The following TUBGCP6 variants were observed in gnomAD, a reference collection of about 807,000 sequenced individuals.
TUBGCP6 encodes the protein tubulin gamma complex component 6, also known as gamma-tubulin complex component 6.
In TUBGCP6, 161 loss-of-function variants were observed where a neutral mutation model predicts 175.8. The ratio of observed to expected loss-of-function variants is 0.92; its 90% confidence interval spans 0.81 to 1.04. The LOEUF is 1.04. Among genes scored for constraint, TUBGCP6 ranks in the 50% least tolerant of loss-of-function variants. The pLI is 0.00. For missense variants in TUBGCP6, 2,572 were observed against 2,433.0 expected (o/e 1.06, Z -1.20); for synonymous variants, 1,173 against 1,030.5 (o/e 1.14, Z -2.65).
chr22:50,226,355 C>A lies in TUBGCP6; in HGVS notation c.1625G>T (p.Ser542Ile). The A allele has an allele frequency of 1.2e-6, 2 of 1,612,002 alleles. No individual in the cohort carries two copies. Among genetic ancestry groups the A allele is most frequent in the Non-Finnish European group, 1.7e-6 (2 of 1,179,138 alleles). The part of the protein sequence containing the change: ...YTRFIHDWVY[S>I]GVFRDAYGEF... ...GCCATAAGCGTCTCTGAACACCCCGCTGTACACCCAGTCGTGGATGAACCT... is the reference window on the plus strand; with the variant it reads ...GCCATAAGCGTCTCTGAACACCCCGATGTACACCCAGTCGTGGATGAACCT... Residue 542 changes from serine (S) to isoleucine (I), a missense_variant, in exon 8 of 25, where the codon AGC becomes ATC. Coordinates refer to ENST00000248846, the MANE Select transcript of TUBGCP6 (RefSeq NM_020461.4).
rs1410855405 is a variant in TUBGCP6, at chr22:50,244,572, G to A, written c.-113C>T. 7 of 1,432,082 alleles carry A rather than the reference G, an allele frequency of 4.9e-6. No individual in the cohort carries two copies. In the South Asian group the frequency reaches 5.8e-5, roughly 12 times the overall value. The allele number at this position is 1,432,082 out of a possible 1,614,324, so 88.7% of individuals were successfully genotyped here. A position where few individuals can be genotyped will look rare whatever the true frequency, so the allele number is the denominator to read the frequency against. On this transcript the variant is annotated 5_prime_UTR_variant, in exon 1 of 25. Coordinates refer to ENST00000248846, the MANE Select transcript of TUBGCP6 (RefSeq NM_020461.4). The stretch of plus-strand genomic sequence containing the variant: ...GGTCCGAAGAGGCTGAATGACAGGC[G>A]GCCTCTCCAATGCCGAAGCTCAGAA...
Position 50,219,653 on chromosome 22 carries a change from C to G in TUBGCP6, c.4306G>C (p.Glu1436Gln). The part of the protein sequence containing the change: ...YHLERYPDSY[E>Q]SMSEPPIAHL... ...CAACTGCTGCACTCACACATGGACT[C>G]GTAACTGTCCGGGTACCGCTCCAAG... Residue 1436 changes from glutamate to glutamine, a missense_variant, in exon 18 of 25, where the codon GAG (glutamate) becomes CAG (glutamine). Glu to Gln is a conservative substitution (Grantham distance 29). Transcript: ENST00000248846. 3 of 1,613,482 alleles carry G rather than the reference C, an allele frequency of 1.9e-6. No homozygotes were observed. Among genetic ancestry groups the G allele is most frequent in the Non-Finnish European group, 8.5e-7 (1 of 1,179,812 alleles).
chr22:50,234,037 G>GGTACACTGCAGCATCATCCAC (rs1569122256), intron 2 of TUBGCP6, among the ~76,000 whole-genome samples: 1 of 143,782 alleles, frequency 7.0e-6, no homozygotes, highest in African/African-American at 2.6e-5. Context: ...TCCACATCCA[G>GGTACACTGCAGCATCATCCAC]GTCCACTGCA....
Position 50,220,025 on chromosome 22 carries a change from C to A in TUBGCP6, c.4109-10G>T. On this transcript the variant is annotated splice_polypyrimidine_tract_variant and intron_variant, in intron 16 of 24. Transcript: ENST00000248846. ...CCGCTCCTCCCAGGGCCTGTGTGGA[C>A]ACAAGTGGACACGAGGGCATCAGGG... is the stretch of plus-strand genomic sequence containing the variant. The A allele has an allele frequency of 6.2e-7, 1 of 1,612,964 alleles. No homozygotes were observed.
At position 50,244,675 on chromosome 22, in the gene TUBGCP6, T is replaced by C; in HGVS notation, c.-216A>G. On this transcript the variant is annotated 5_prime_UTR_variant, in exon 1 of 25. Transcript: ENST00000248846. The stretch of plus-strand genomic sequence containing the variant: ...CCTGCCCTCCCCAGTCCAAGCACGC[T>C]GCCCGGCGCCCGGCAGCCCACCAGA... The C allele has an allele frequency of 1.4e-6, 1 of 719,020 alleles. No homozygotes were observed. Among genetic ancestry groups the C allele is most frequent in the Non-Finnish European group, 2.1e-6 (1 of 468,364 alleles). The allele number at this position is 719,020 out of a possible 1,614,324, so 44.5% of individuals were successfully genotyped here.
chr22:50,238,680 G>A (rs2064806114), intron 2 of TUBGCP6, among the ~76,000 whole-genome samples: 1 of 151,672 alleles, frequency 6.6e-6, no homozygotes, highest in African/African-American at 2.4e-5. Context: ...TGGGACCACA[G>A]GCACCCGCCA....
At chr22:50,239,401 T>A (rs1054098940) in intron 2 of TUBGCP6, among the ~76,000 whole-genome samples, 2 of 152,198 alleles carry the variant, frequency 1.3e-5, no homozygotes, top group African/African-American at 4.8e-5. Flanking sequence ...AGTCTCAAAA[T>A]CCTGACTTCA....
chr22:50,237,018 C>T (rs77044695), intron 2 of TUBGCP6, among the ~76,000 whole-genome samples: 3,658 of 152,308 alleles, frequency 0.024, 92 homozygotes, highest in East Asian at 0.12. Context: ...GAACACCCCC[C>T]GCCCCAACAG....
chr22:50,232,007 G>C (rs547783549), intron 3 of TUBGCP6, among the ~76,000 whole-genome samples: 1 of 151,520 alleles, frequency 6.6e-6, no homozygotes, highest in Non-Finnish European at 1.5e-5. Context: ...GATCACTTGA[G>C]CCCAGGAGTT....
At position 50,233,421 on chromosome 22, in the gene TUBGCP6, G is replaced by T. The variant is rs368083408; in HGVS notation, c.1011C>A (p.Gly337=). ...HQGELQLLAG[G]VLQAPQPVLV... is the part of the protein sequence containing the mutation. ...GCACGGGCTGCGGGGCCTGTAGGAC[G>T]CCCCCAGCAAGCAGCTGGAGCTCCC... The change falls in exon 3 of 25, where the codon GGC becomes GGA. Residue 337 remains glycine, a synonymous_variant. Transcript: ENST00000248846. 6.2e-7 allele frequency: 1 copy of T among 1,613,780 alleles called. No individual in the cohort carries two copies. Among genetic ancestry groups the T allele is most frequent in the South Asian group, 1.1e-5 (1 of 91,056 alleles).
chr22:50,220,913 G>A lies in TUBGCP6; in HGVS notation c.3446C>T (p.Ser1149Leu), dbSNP rs533087823. Residue 1149 changes from serine to leucine, a missense_variant, in exon 16 of 25, where the codon TCG becomes TTG. By Grantham distance (145) the Ser-to-Leu change is moderately radical. Transcript: ENST00000248846. ...NASIRVGENVSDVAPTRPRWN... is the reference protein window; with the variant it reads ...NASIRVGENVLDVAPTRPRWN... ...CCGTGGCCGGGTGGGAGCCACGTCC[G>A]ACACGTTCTCCCCAACCCTGATGCT... is the stretch of plus-strand genomic sequence containing the variant. The A allele has an allele frequency of 2.4e-5, 39 of 1,612,070 alleles. No individual in the cohort carries two copies. The highest frequency in any genetic ancestry group is 3.3e-5 in the South Asian group (3 of 91,018).
At chr22:50,226,670 C>A in intron 7 of TUBGCP6, 63 bp downstream of exon 7, 1 of 1,365,788 alleles carries the variant, frequency 7.3e-7, no homozygotes, top group Non-Finnish European at 1.0e-6. Flanking sequence ...GACAAGGGAC[C>A]GCTCTCAAGT....
intron 3 of TUBGCP6, among the ~76,000 whole-genome samples, chr22:50,233,080 G>A (rs894235439): frequency 1.3e-5 from 2 of 152,242 alleles, no homozygotes; most frequent in Non-Finnish European, 2.9e-5. Context: ...TTTGCTGACA[G>A]CAATAAACAT....
At position 50,226,348 on chromosome 22, in the gene TUBGCP6, C is replaced by T; in HGVS notation, c.1632G>A (p.Val544=). 6.2e-7 allele frequency: 1 copy of T among 1,612,696 alleles called. No individual in the cohort carries two copies. The highest frequency in any genetic ancestry group is 8.5e-7 in the Non-Finnish European group (1 of 1,179,434). The change falls in exon 8 of 25, where the codon GTG becomes GTA. Residue 544 remains valine (V), a synonymous_variant. Transcript: ENST00000248846. ...TGAACTCGCCATAAGCGTCTCTGAA[C>T]ACCCCGCTGTACACCCAGTCGTGGA... The part of the protein sequence containing the change: ...RFIHDWVYSG[V]FRDAYGEFMI...
rs1230605220 is a variant in TUBGCP6, at chr22:50,244,315, G to C, written c.145C>G (p.Leu49Val). The C allele has an allele frequency of 6.2e-7, 1 of 1,613,522 alleles. No individual in the cohort carries two copies. Among genetic ancestry groups the C allele is most frequent in the Non-Finnish European group, 8.5e-7 (1 of 1,180,046 alleles). ...KVAYNALFTN[L>V]FQDETQQLQP... is the part of the protein sequence containing the mutation. Reference sequence around the variant, plus strand: ...AGCTGTTGAGTCTCATCTTGAAAAAGATTTGTGAAAAGAGCATTGTAGGCC... The same window carrying C: ...AGCTGTTGAGTCTCATCTTGAAAAACATTTGTGAAAAGAGCATTGTAGGCC... The change falls in exon 1 of 25, where the codon CTT becomes GTT. Residue 49 changes from leucine to valine, a missense_variant. By Grantham distance (32) the Leu-to-Val change is conservative (BLOSUM62 1). Coordinates refer to ENST00000248846, the MANE Select transcript of TUBGCP6 (RefSeq NM_020461.4).
rs1385954305 is a variant in TUBGCP6 at position 50,229,488 on chromosome 22, C to A, written c.1206G>T (p.Glu402Asp). The A allele has an allele frequency of 6.2e-7, 1 of 1,612,412 alleles. No homozygotes were observed. Among genetic ancestry groups the A allele is most frequent in the South Asian group, 1.1e-5 (1 of 90,772 alleles). The change falls in exon 4 of 25, where the codon GAG becomes GAT. Residue 402 changes from glutamate (E) to aspartate (D), a missense_variant. Coordinates refer to ENST00000248846, the MANE Select transcript of TUBGCP6 (RefSeq NM_020461.4). ...TCAGGCGCGTGTAGCAGGTCCCATA[C>A]TCGGCCACTTCCGAGAGCAGGCTGC... ...SISSLLSEVAEYGTCYTRLSH... is the reference protein window; with the variant it reads ...SISSLLSEVADYGTCYTRLSH...
chr22:50,229,121 C>T (rs1022091694), intron 4 of TUBGCP6, among the ~76,000 whole-genome samples: 1 of 152,158 alleles, frequency 6.6e-6, no homozygotes, highest in Admixed American at 6.5e-5. Flanking sequence ...CCCACTCACG[C>T]CTTTCCTGCC....
chr22:50,225,709 C>T (rs1014994188), intron 10 of TUBGCP6, 85 bp downstream of exon 10: 2 of 1,511,928 alleles, frequency 1.3e-6, no homozygotes, highest in African/African-American at 2.8e-5. Flanking sequence ...TCTTGCACAG[C>T]CCTCATGTCC....
At chr22:50,237,275 A>C (rs1384379249) in intron 2 of TUBGCP6, among the ~76,000 whole-genome samples, 1 of 152,206 alleles carries the variant, frequency 6.6e-6, no homozygotes, top group Non-Finnish European at 1.5e-5. Flanking sequence ...GATGTCTTGG[A>C]GAGTGGAGAA....
Sources: allele counts gnomAD v4.1 joint callset (sites outside exome capture counted in the v4.1 genomes callset), GRCh38; gene constraint gnomAD v4.1.1; transcripts MANE v1.5; gene names NCBI Gene and HGNC (gene_info 2026-07-23, HGNC 2026-07-21).